CPPED1: variants seen among roughly 807,000 people sequenced by gnomAD.
CPPED1 encodes the protein calcineurin like phosphoesterase domain containing 1, also known as serine/threonine-protein phosphatase CPPED1.
In CPPED1, 28 loss-of-function variants were observed where a neutral mutation model predicts 28.0. That is an observed-to-expected ratio of 1.00 (90% CI 0.74 to 1.37). CPPED1 has a LOEUF of 1.37. Ranked by LOEUF, CPPED1 falls within the 40% of genes most tolerant of loss-of-function variation. CPPED1 has a pLI of 0.00. For synonymous variants in CPPED1, 198 were observed against 180.2 expected, an observed-to-expected ratio of 1.10 and a Z score of -0.79; for missense variants, 504 against 416.5, an observed-to-expected ratio of 1.21 and a Z score of -1.83.
intron 2 of CPPED1, among the ~76,000 whole-genome samples, chr16:12,733,914 A>G (rs1347485971): frequency 6.6e-6 from 1 of 152,144 alleles, no homozygotes; most frequent in Non-Finnish European, 1.5e-5. Flanking sequence ...ACAAAATGAA[A>G]AAAAAACTAA....
intron 2 of CPPED1, among the ~76,000 whole-genome samples, chr16:12,711,015 C>T (rs779798254): frequency 7.2e-5 from 11 of 152,128 alleles, no homozygotes; most frequent in Non-Finnish European, 1.2e-4. Context: ...AGCAGGGTCT[C>T]AAAGAGATGT....
At chr16:12,685,134 T>C (rs2079926150) in intron 3 of CPPED1, among the ~76,000 whole-genome samples, 1 of 152,240 alleles carries the variant, frequency 6.6e-6, no homozygotes, top group Non-Finnish European at 1.5e-5. Flanking sequence ...ACATTGTTTC[T>C]TCAATTTTAA....
intron 3 of CPPED1, among the ~76,000 whole-genome samples, chr16:12,701,248 G>C (rs2080019017): frequency 6.6e-6 from 1 of 151,878 alleles, no homozygotes; most frequent in Non-Finnish European, 1.5e-5. Flanking sequence ...AAAATGTTGA[G>C]GCCGGGTGTG....
chr16:12,743,848 T>C (rs1218147717), intron 2 of CPPED1, among the ~76,000 whole-genome samples: 1 of 151,804 alleles, frequency 6.6e-6, no homozygotes, highest in African/African-American at 2.4e-5. Context: ...TACAAAAAAA[T>C]ACAAACATTA....
intron 2 of CPPED1, among the ~76,000 whole-genome samples, chr16:12,728,016 T>C (rs1035651620): frequency 1.5e-4 from 23 of 152,234 alleles, no homozygotes; most frequent in African/African-American, 5.1e-4. Flanking sequence ...TAATTCACAA[T>C]GCAGATGAAT....
rs554789503 is a variant in CPPED1 at position 12,773,727 on chromosome 16, AATAAAAATAC to A, written c.289+7448_289+7457del. On this transcript the variant is annotated intron_variant, in intron 2 of 3. Coordinates refer to ENST00000381774, the MANE Select transcript of CPPED1 (RefSeq NM_018340.3). ...AGAGTGAGGCTGTGCCTCAAAAAAT[AATAAAAATAC>A]ATAAAAATACACAAATAAATAATAA... is the stretch of plus-strand genomic sequence containing the variant. Among the ~76,000 whole-genome samples the A allele has an allele frequency of 1.7e-4, 26 of 152,302 alleles. 1 individual carries two copies. The South Asian group carries it at 4.2e-3, about 24-fold the overall frequency.
At chr16:12,687,578 C>A (rs1208823176) in intron 3 of CPPED1, among the ~76,000 whole-genome samples, 4 of 152,164 alleles carry the variant, frequency 2.6e-5, no homozygotes, top group Non-Finnish European at 5.9e-5. Flanking sequence ...TGAGGCCAGC[C>A]TGGCCAACAT....
chr16:12,803,871 C>T lies in CPPED1; in HGVS notation c.-95G>A, dbSNP rs2080677544. ...ACCGCTGGACCTGTCCCGCTTTGGG[C>T]GACGCCCTTTGATCTCGGGGCGGGA... On this transcript the variant is annotated 5_prime_UTR_variant, in exon 1 of 4. Transcript: ENST00000381774. 2.4e-6 allele frequency: 3 copies of T among 1,231,384 alleles called. No individual in the cohort carries two copies. Among genetic ancestry groups the T allele is most frequent in the African/African-American group, 1.6e-5 (1 of 63,996 alleles). 76.3% of individuals were successfully genotyped at this position (1,231,384 alleles called of 1,614,324 possible). A position where few individuals can be genotyped will look rare whatever the true frequency, so the allele number is the denominator to read the frequency against.
intron 2 of CPPED1, among the ~76,000 whole-genome samples, chr16:12,715,132 T>C (rs1596457288): frequency 6.6e-6 from 1 of 152,210 alleles, no homozygotes; most frequent in South Asian, 2.1e-4. Context: ...GGATTCTCAA[T>C]TCTAATCCAT....
chr16:12,686,273 T>C (rs2079933013), intron 3 of CPPED1, among the ~76,000 whole-genome samples: 1 of 151,966 alleles, frequency 6.6e-6, no homozygotes, highest in Non-Finnish European at 1.5e-5. Flanking sequence ...CTTGCTATGT[T>C]GCCCAGGCTG....
intron 2 of CPPED1, among the ~76,000 whole-genome samples, chr16:12,734,148 C>A (rs184540821): frequency 1.1e-3 from 163 of 143,530 alleles, no homozygotes; most frequent in African/African-American, 4.1e-3. Flanking sequence ...CGGGTCACTG[C>A]AACCTCTGCT....
chr16:12,704,566 G>A, intron 3 of CPPED1, 58 bp downstream of exon 3: 1 of 1,512,026 alleles, frequency 6.6e-7, no homozygotes. Context: ...GAAAGATCTG[G>A]AAATGCCCTC....
chr16:12,719,893 G>A (rs1429889395), intron 2 of CPPED1, among the ~76,000 whole-genome samples: 2 of 151,888 alleles, frequency 1.3e-5, no homozygotes, highest in East Asian at 1.9e-4. Flanking sequence ...CTGAGATCAT[G>A]CCACTGTACT....
At position 12,696,932 on chromosome 16, in the gene CPPED1, C is replaced by T. The variant is rs540976009; in HGVS notation, c.715+7692G>A. Among the ~76,000 whole-genome samples, 112 of 152,170 alleles carry T rather than the reference C, an allele frequency of 7.4e-4. 1 individual carries two copies. The highest frequency in any genetic ancestry group is 8.3e-4 in the South Asian group (4 of 4,814). On this transcript the variant is annotated intron_variant, in intron 3 of 3. Coordinates refer to ENST00000381774, the MANE Select transcript of CPPED1 (RefSeq NM_018340.3). Reference sequence around the variant, plus strand: ...CCATGTTATAGGACCCCCTGCCCACCGGCCCAGACGCTAATTCCCCCTGTA... The same window carrying T: ...CCATGTTATAGGACCCCCTGCCCACTGGCCCAGACGCTAATTCCCCCTGTA...
At chr16:12,711,911 A>G (rs1408174562) in intron 2 of CPPED1, among the ~76,000 whole-genome samples, 1 of 152,158 alleles carries the variant, frequency 6.6e-6, no homozygotes, top group Non-Finnish European at 1.5e-5. Flanking sequence ...TCTTTCTAAC[A>G]GCCCCCTACC....
chr16:12,665,372 C>T (rs999309017), intron 3 of CPPED1, among the ~76,000 whole-genome samples: 3 of 151,638 alleles, frequency 2.0e-5, no homozygotes, highest in African/African-American at 7.3e-5. Context: ...TGTACAAAGA[C>T]GTACTAGGGA....
At chr16:12,744,500 C>A (rs1337313938) in intron 2 of CPPED1, among the ~76,000 whole-genome samples, 6 of 152,158 alleles carry the variant, frequency 3.9e-5, no homozygotes, top group African/African-American at 1.4e-4. Flanking sequence ...GTACTTGAGA[C>A]ATGGACTAGC....
At chr16:12,711,137 G>T (rs1032161166) in intron 2 of CPPED1, among the ~76,000 whole-genome samples, 22 of 152,290 alleles carry the variant, frequency 1.4e-4, no homozygotes, top group Middle Eastern at 3.4e-3. Context: ...TCCATACAAC[G>T]AAATATTATT....
intron 3 of CPPED1, among the ~76,000 whole-genome samples, chr16:12,694,738 G>GT (rs1219960484): frequency 8.0e-6 from 1 of 125,756 alleles, no homozygotes; most frequent in African/African-American, 3.2e-5. Flanking sequence ...AGGTGGGGGG[G>GT]GGGGCGGGGG....
Sources: gnomAD v4.1 joint callset for allele counts (sites outside exome capture counted in the v4.1 genomes callset) on GRCh38, gnomAD v4.1.1 for gene constraint, MANE v1.5 for transcripts, NCBI Gene and HGNC (gene_info 2026-07-23, HGNC 2026-07-21) for gene names.